PCDH11X: variants seen among roughly 807,000 people sequenced by gnomAD.
The protein encoded by PCDH11X is protocadherin-11 X-linked.
A neutral mutation model predicts 53.3 loss-of-function variants in PCDH11X; 18 were observed. The observed-to-expected ratio is 0.34, with a 90% CI of 0.23 to 0.50. The LOEUF (loss-of-function observed/expected upper bound fraction) is 0.50, where lower values mean the gene tolerates loss of function less well. Among genes scored for constraint, PCDH11X ranks in the 20% least tolerant of loss-of-function variants. PCDH11X has a pLI of 0.98. For synonymous variants in PCDH11X, 279 were observed against 393.3 expected, an observed-to-expected ratio of 0.71 and a Z score of 3.44; for missense variants, 570 against 1,032.4, an observed-to-expected ratio of 0.55 and a Z score of 6.14.
intron 8 of PCDH11X, among the ~76,000 whole-genome samples, chrX:92,352,450 T>A (rs1349252996): frequency 1.8e-5 from 2 of 112,032 alleles, no homozygotes; most frequent in Middle Eastern, 4.3e-3. Flanking sequence ...CCTCCTTGAT[T>A]AGCTTAATAA....
intron 10 of PCDH11X, among the ~76,000 whole-genome samples, chrX:92,573,362 T>C (rs1186273547): frequency 9.0e-6 from 1 of 111,361 alleles, no homozygotes; most frequent in Non-Finnish European, 1.9e-5. Context: ...CATAATAAAG[T>C]AAAATAGAAA....
chrX:92,113,710 A>T, intron 6 of PCDH11X: 1 of 1,203,029 alleles, frequency 8.3e-7, no homozygotes, highest in Non-Finnish European at 1.1e-6. Context: ...TTCCACGTTG[A>T]TGTAGAATTG....
intron 6 of PCDH11X, among the ~76,000 whole-genome samples, chrX:91,977,893 C>A (rs2062067501): frequency 9.0e-6 from 1 of 111,326 alleles, no homozygotes; most frequent in African/African-American, 3.3e-5. Flanking sequence ...ATTTTTAAAC[C>A]TTCCTTAGAC....
intron 6 of PCDH11X, among the ~76,000 whole-genome samples, chrX:92,013,368 C>T (rs1441894869): frequency 9.0e-6 from 1 of 111,072 alleles, no homozygotes; most frequent in Non-Finnish European, 1.9e-5. Flanking sequence ...AACCACTGCT[C>T]AATGAAATAA....
At chrX:91,911,936 T>A (rs2147803593) in intron 6 of PCDH11X, among the ~76,000 whole-genome samples, 1 of 111,789 alleles carries the variant, frequency 8.9e-6, no homozygotes, top group African/African-American at 3.2e-5. Context: ...TTTTCCATTT[T>A]TTTGGTATTG....
At chrX:92,044,146 G>T (rs1444978905) in intron 6 of PCDH11X, among the ~76,000 whole-genome samples, 1 of 109,740 alleles carries the variant, frequency 9.1e-6, no homozygotes. Context: ...TCCAACTAAT[G>T]AAATGGACTT....
chrX:92,499,802 A>T (rs1038770055), intron 10 of PCDH11X, among the ~76,000 whole-genome samples: 1 of 107,890 alleles, frequency 9.3e-6, no homozygotes, highest in African/African-American at 3.4e-5. Context: ...AGTGCACTCC[A>T]GCCTGGGTGA....
At chrX:91,807,705 G>GC (rs1399227576) in intron 1 of PCDH11X, among the ~76,000 whole-genome samples, 1 of 111,418 alleles carries the variant, frequency 9.0e-6, no homozygotes, top group Non-Finnish European at 1.9e-5. Flanking sequence ...CATAGCTGTA[G>GC]CCCCTAAGTC....
intron 6 of PCDH11X, among the ~76,000 whole-genome samples, chrX:91,970,036 G>A (rs778985870): frequency 2.7e-5 from 3 of 110,872 alleles, no homozygotes; most frequent in South Asian, 7.7e-4. Context: ...TCAAGAAGTT[G>A]CAGACCATCA....
chrX:92,496,605 G>A (rs1237913116), intron 10 of PCDH11X, among the ~76,000 whole-genome samples: 1 of 102,969 alleles, frequency 9.7e-6, no homozygotes, highest in Non-Finnish European at 2.0e-5. Context: ...CATTCCATGA[G>A]GACGACAATG....
chrX:92,407,502 T>C (rs1428595025), intron 9 of PCDH11X, among the ~76,000 whole-genome samples: 1 of 111,107 alleles, frequency 9.0e-6, no homozygotes, highest in African/African-American at 3.3e-5. Flanking sequence ...CATTTTGTCT[T>C]TTATGTACAT....
At chrX:92,182,073 C>T (rs1331448080) in intron 6 of PCDH11X, among the ~76,000 whole-genome samples, 2 of 112,215 alleles carry the variant, frequency 1.8e-5, no homozygotes, top group Non-Finnish European at 3.8e-5. Context: ...GTAAAAGCAG[C>T]TGGAGGGAGG....
chrX:92,555,162 C>A (rs2075027677), intron 10 of PCDH11X, among the ~76,000 whole-genome samples: 1 of 110,968 alleles, frequency 9.0e-6, no homozygotes, highest in African/African-American at 3.3e-5. Flanking sequence ...AGAGATCATC[C>A]AGTTCTACAT....
chrX:92,222,136 T>C (rs760126821), intron 7 of PCDH11X, among the ~76,000 whole-genome samples: 1 of 55,576 alleles, frequency 1.8e-5, no homozygotes, highest in African/African-American at 4.1e-5. Flanking sequence ...GCCCAGCCTC[T>C]TCAATAGATT....
At chrX:91,861,298 G>C (rs1938661834) in intron 5 of PCDH11X, among the ~76,000 whole-genome samples, 1 of 111,708 alleles carries the variant, frequency 9.0e-6, no homozygotes, top group Non-Finnish European at 1.9e-5. Flanking sequence ...ATGGTTGTTT[G>C]TGTTTCTGTG....
chrX:91,792,010 C>T (rs1230737774), intron 1 of PCDH11X, among the ~76,000 whole-genome samples: 2 of 109,125 alleles, frequency 1.8e-5, no homozygotes, highest in African/African-American at 6.7e-5. Flanking sequence ...TACAGGCGCC[C>T]GCCACCGCGC....
chrX:92,296,433 G>A (rs930087544), intron 8 of PCDH11X, among the ~76,000 whole-genome samples: 2 of 105,373 alleles, frequency 1.9e-5, no homozygotes, highest in African/African-American at 7.0e-5. Flanking sequence ...GATGGCTGTT[G>A]TCCCCTTCTT....
intron 8 of PCDH11X, among the ~76,000 whole-genome samples, chrX:92,344,216 A>G (rs2069835070): frequency 9.3e-6 from 1 of 107,535 alleles, no homozygotes; most frequent in Non-Finnish European, 1.9e-5. Context: ...TATGAGGCTA[A>G]TGAATGATGA....
Position 91,830,963 on chromosome X carries a change from A to C in PCDH11X, c.-44-4498A>C, listed in dbSNP as rs1297921946. 6.3e-5 allele frequency among the ~76,000 whole-genome samples: 7 copies of C among 111,590 alleles called. No homozygotes were observed. The East Asian group carries it at 1.7e-3, about 27-fold the overall frequency. ...GAAACCAGCACTATAATGAAGAAAA[A>C]ATTTAAAAAATATCAAGGAAATTAT... On this transcript the variant is annotated intron_variant, in intron 4 of 10. Transcript: ENST00000682573.
Sources: allele counts gnomAD v4.1 joint callset (sites outside exome capture counted in the v4.1 genomes callset), GRCh38; gene constraint gnomAD v4.1.1; transcripts MANE v1.5; gene names NCBI Gene and HGNC (gene_info 2026-07-23, HGNC 2026-07-21).